The following ZFP14 variants were observed in gnomAD, a reference collection of about 807,000 sequenced individuals.
The protein encoded by ZFP14 is ZFP14 zinc finger protein, also known as zinc finger protein 14 homolog.
Under a neutral mutation model 54.5 loss-of-function variants are expected in ZFP14, and 22 were observed. The observed-to-expected ratio is 0.40, with a 90% CI of 0.29 to 0.58. The LOEUF (loss-of-function observed/expected upper bound fraction) is 0.58, where lower values mean the gene tolerates loss of function less well. Among genes scored for constraint, ZFP14 ranks in the 20% least tolerant of loss-of-function variants. ZFP14 has a pLI of 0.39. For synonymous variants in ZFP14, 159 were observed against 204.0 expected (o/e 0.78, Z 1.88); for missense variants, 470 against 637.8 (o/e 0.74, Z 2.83).
At position 36,341,697 on chromosome 19, in the gene ZFP14, CCT is replaced by C; in HGVS notation, c.236-109_236-108del. 1 of 1,069,568 alleles carries C rather than the reference CCT, an allele frequency of 9.3e-7. No homozygotes were observed. The highest frequency in any genetic ancestry group is 1.3e-6 in the Non-Finnish European group (1 of 774,522). The allele number at this position is 1,069,568 out of a possible 1,614,324, so 66.3% of individuals were successfully genotyped here. ...TAGAGAAAAGGCACCTAAAATAATG[CCT>C]GTTACAAATTGAATGGATTAGACAG... is the stretch of plus-strand genomic sequence containing the variant. On this transcript the variant is annotated intron_variant, in intron 4 of 4. Transcript: ENST00000270001. The surrounding 1 kb of genome is among the most constrained non-coding windows in gnomAD (Gnocchi z 4.2).
intron 4 of ZFP14, among the ~76,000 whole-genome samples, chr19:36,345,154 T>C (rs1307594929): frequency 2.0e-5 from 3 of 152,178 alleles, no homozygotes; most frequent in African/African-American, 7.2e-5. Context: ...TCTTAGCTAC[T>C]CGGGAGGCTG....
chr19:36,366,778 C>G (rs1002839000), intron 2 of ZFP14, among the ~76,000 whole-genome samples: 5 of 152,158 alleles, frequency 3.3e-5, no homozygotes, highest in Non-Finnish European at 7.3e-5. Context: ...TATGAAAATT[C>G]ATCCAGCCAT....
At chr19:36,344,232 T>C (rs2031374099) in intron 4 of ZFP14, among the ~76,000 whole-genome samples, 1 of 152,166 alleles carries the variant, frequency 6.6e-6, no homozygotes, top group South Asian at 2.1e-4. Flanking sequence ...CTCGAACTCC[T>C]GACCTCAGAT....
chr19:36,373,721 G>A (rs2031914443), intron 1 of ZFP14, among the ~76,000 whole-genome samples: 1 of 151,514 alleles, frequency 6.6e-6, no homozygotes, highest in South Asian at 2.1e-4. Context: ...GACCAGCCTG[G>A]GCAACATAGT....
intron 1 of ZFP14, among the ~76,000 whole-genome samples, chr19:36,375,475 C>T (rs2031945723): frequency 6.6e-6 from 1 of 151,866 alleles, no homozygotes; most frequent in African/African-American, 2.4e-5. Context: ...ACAACTTCCA[C>T]CTCCTGGGTT....
chr19:36,349,240 AAACAAAAAAAAAAAAAC>A lies in ZFP14; in HGVS notation c.236-7667_236-7651del, dbSNP rs1345872076. Among the ~76,000 whole-genome samples the A allele has an allele frequency of 6.1e-3, 235 of 38,552 alleles. 16 individuals are homozygous for A. Among genetic ancestry groups the A allele is most frequent in the Non-Finnish European group, 9.2e-3 (189 of 20,536 alleles). The allele number at this position is 38,552 out of a possible 152,430, so 25.3% of individuals were successfully genotyped here. ...GAGGGGAACTCTGTCTCAAAAAAAA[AAACAAAAAAAAAAAAAC>A]AAAAAAAAAAAAACAGGAAGAACAT... On this transcript the variant is annotated intron_variant, in intron 4 of 4. Coordinates refer to ENST00000270001, the MANE Select transcript of ZFP14 (RefSeq NM_020917.3).
chr19:36,365,706 G>A (rs763752245), intron 2 of ZFP14, among the ~76,000 whole-genome samples: 21 of 152,012 alleles, frequency 1.4e-4, no homozygotes, highest in Non-Finnish European at 2.8e-4. Context: ...CACCTATAAT[G>A]CCAATACTTT....
chr19:36,348,782 T>A (rs1600070334), intron 4 of ZFP14, among the ~76,000 whole-genome samples: 1 of 152,162 alleles, frequency 6.6e-6, no homozygotes, highest in East Asian at 1.9e-4. Flanking sequence ...TAGGAAGTGC[T>A]ATACCTGCTT....
intron 4 of ZFP14, among the ~76,000 whole-genome samples, chr19:36,344,769 C>G (rs1236082525): frequency 6.6e-6 from 1 of 152,162 alleles, no homozygotes; most frequent in Admixed American, 6.5e-5. Flanking sequence ...TGAGAATCTA[C>G]TGCCTGATTA....
In ZFP14 at chr19:36,341,785, T is replaced by C. The variant is rs1478067271; in HGVS notation, c.236-195A>G. On this transcript the variant is annotated intron_variant, in intron 4 of 4. Coordinates refer to ENST00000270001, the MANE Select transcript of ZFP14 (RefSeq NM_020917.3). This position sits in a 1 kb window ranked among gnomAD's most constrained non-coding sequence, Gnocchi z 4.2. ...TATGTGTACCTAAAAAACCTTATCTTCTACAAAAGTACACACTAAAAATTA... is the reference window on the plus strand; with the variant it reads ...TATGTGTACCTAAAAAACCTTATCTCCTACAAAAGTACACACTAAAAATTA... Among the ~76,000 whole-genome samples, 1 of 152,148 alleles carries C rather than the reference T, an allele frequency of 6.6e-6. No individual in the cohort carries two copies. The highest frequency in any genetic ancestry group is 2.4e-5 in the African/African-American group (1 of 41,432).
intron 1 of ZFP14, among the ~76,000 whole-genome samples, chr19:36,375,025 T>G (rs1427849874): frequency 7.9e-5 from 12 of 152,106 alleles, no homozygotes; most frequent in Admixed American, 3.3e-4. Context: ...GAGTACGGCC[T>G]AGAAAAGAAT....
At chr19:36,359,863 CA>C in intron 4 of ZFP14, among the ~76,000 whole-genome samples, 1 of 152,174 alleles carries the variant, frequency 6.6e-6, no homozygotes, top group African/African-American at 2.4e-5. Context: ...CTGCGTTGGC[CA>C]GACTGGTTTG....
chr19:36,341,021 G>A lies in ZFP14; in HGVS notation c.805C>T (p.Gln269Ter). 1.9e-6 allele frequency: 3 copies of A among 1,613,920 alleles called. No individual in the cohort carries two copies. Among genetic ancestry groups the A allele is most frequent in the Non-Finnish European group, 1.7e-6 (2 of 1,179,986 alleles). Residue 269 changes from glutamine to a stop codon, truncating the protein, a stop_gained, in exon 5 of 5, where the codon CAG (glutamine) becomes TAG (stop). Coordinates refer to ENST00000270001, the MANE Select transcript of ZFP14 (RefSeq NM_020917.3). LOFTEE classifies it high-confidence loss of function. This position sits in a 1 kb window ranked among gnomAD's most constrained non-coding sequence, Gnocchi z 4.2. Reference sequence around the variant, plus strand: ...ATTCTCTGATGTCGAGCCAGTTGCTGATGTACTCTAAAGGCCTTTCCACAT... The same window carrying A: ...ATTCTCTGATGTCGAGCCAGTTGCTAATGTACTCTAAAGGCCTTTCCACAT... Reference protein sequence around the residue: ...KECGKAFRVHQQLARHQRIHT... With the variant: ...KECGKAFRVH
At chr19:36,372,772 A>T (rs73043845) in intron 1 of ZFP14, among the ~76,000 whole-genome samples, 23,056 of 152,252 alleles carry the variant, frequency 0.15, 2,179 homozygotes, top group Admixed American at 0.2. Flanking sequence ...AGCATTATTC[A>T]CGATGGCCAA....
intron 4 of ZFP14, among the ~76,000 whole-genome samples, chr19:36,357,736 T>A (rs942152545): frequency 6.7e-6 from 1 of 150,234 alleles, no homozygotes; most frequent in Non-Finnish European, 1.5e-5. Context: ...AATCCTGAAG[T>A]TTTTGTTTTT....
At chr19:36,361,923 TAC>T in intron 3 of ZFP14, among the ~76,000 whole-genome samples, 187 bp downstream of exon 3, 1 of 152,286 alleles carries the variant, frequency 6.6e-6, no homozygotes, top group South Asian at 2.1e-4. Context: ...AATCAGGAAT[TAC>T]AGAGTCTGAA....
Position 36,353,582 on chromosome 19 carries a change from C to T in ZFP14, c.235+6853G>A, listed in dbSNP as rs1238979769. ...AGCGTGGTAGCGTGTGCCTGTAATC[C>T]CAGCTACTCGGGAGGCTGAGGCAGG... is the stretch of plus-strand genomic sequence containing the variant. On this transcript the variant is annotated intron_variant, in intron 4 of 4. Coordinates refer to ENST00000270001, the MANE Select transcript of ZFP14 (RefSeq NM_020917.3). Among the ~76,000 whole-genome samples, 10 of 139,190 alleles carry T rather than the reference C, an allele frequency of 7.2e-5. 3 individuals are homozygous for T. The highest frequency in any genetic ancestry group is 1.6e-4 in the Non-Finnish European group (10 of 63,188). The allele number at this position is 139,190 out of a possible 152,430, so 91.3% of individuals were successfully genotyped here.
intron 4 of ZFP14, among the ~76,000 whole-genome samples, chr19:36,352,957 T>A (rs1221052391): frequency 1.5e-5 from 2 of 133,180 alleles, no homozygotes; most frequent in Non-Finnish European, 3.3e-5. Context: ...AAAAAAAAAA[T>A]TAGCCATGTG....
chr19:36,356,637 T>C (rs1334295979), intron 4 of ZFP14, among the ~76,000 whole-genome samples: 1 of 151,974 alleles, frequency 6.6e-6, no homozygotes, highest in African/African-American at 2.4e-5. Flanking sequence ...ACCCGAACCA[T>C]CCTCTACGCC....
Sources: allele counts gnomAD v4.1 joint callset (sites outside exome capture counted in the v4.1 genomes callset), GRCh38; gene constraint gnomAD v4.1.1; non-coding constraint Gnocchi (gnomAD v3.1); transcripts MANE v1.5; gene names NCBI Gene and HGNC (gene_info 2026-07-23, HGNC 2026-07-21).